The following HAVCR1 variants were observed in gnomAD, a reference collection of about 807,000 sequenced individuals.
The protein encoded by HAVCR1 is hepatitis A virus cellular receptor 1.
In HAVCR1, 34 loss-of-function variants were observed where a neutral mutation model predicts 32.0. That is an observed-to-expected ratio of 1.06 (90% CI 0.81 to 1.42). The LOEUF (loss-of-function observed/expected upper bound fraction) is 1.42, where lower values mean the gene tolerates loss of function less well. HAVCR1 is among the 40% of genes most tolerant of loss of function. HAVCR1 has a pLI of 0.00. For missense variants in HAVCR1, 420 were observed against 442.3 expected (o/e 0.95, Z 0.45); for synonymous variants, 178 against 170.3 (o/e 1.05, Z -0.35).
At chr5:157,046,079 C>T (rs867953706) in intron 5 of HAVCR1, among the ~76,000 whole-genome samples, 4 of 152,154 alleles carry the variant, frequency 2.6e-5, no homozygotes, top group Non-Finnish European at 2.9e-5. Flanking sequence ...AACGAAATGT[C>T]GCCATTATCT....
chr5:157,062,230 G>A (rs758165208), upstream of HAVCR1, among the ~76,000 whole-genome samples: 2 of 151,986 alleles, frequency 1.3e-5, no homozygotes, highest in African/African-American at 4.8e-5. Context: ...AACATGGGCC[G>A]GGCACGGTGG....
chr5:157,054,486 C>T (rs570936400), intron 3 of HAVCR1, among the ~76,000 whole-genome samples: 2 of 152,050 alleles, frequency 1.3e-5, no homozygotes, highest in African/African-American at 4.8e-5. Context: ...GCCTGGGCAA[C>T]AGCGAGACTC....
intron 5 of HAVCR1, among the ~76,000 whole-genome samples, 178 bp from the exon 6 acceptor site, chr5:157,042,860 A>C (rs1244166270): frequency 6.6e-6 from 1 of 152,216 alleles, no homozygotes; most frequent in Non-Finnish European, 1.5e-5. Context: ...TTTCTCCTGT[A>C]AAGTTGTATT....
In HAVCR1 at chr5:157,055,411, A is replaced by T; in HGVS notation, c.169T>A (p.Cys57Ser). The change falls in exon 3 of 9, where the codon TGC becomes AGC. Residue 57 changes from cysteine (C) to serine (S), a missense_variant. Coordinates refer to ENST00000523175, the MANE Select transcript of HAVCR1 (RefSeq NM_001173393.3). Reference sequence around the variant, plus strand: ...TTGGTCCAGACAATGCCATTTTGGCATGTGAATAGAGAACATGAGCCTCTA... The same window carrying T: ...TTGGTCCAGACAATGCCATTTTGGCTTGTGAATAGAGAACATGAGCCTCTA... Reference protein sequence around the residue: ...WNRGSCSLFTCQNGIVWTNGT... With the variant: ...WNRGSCSLFTSQNGIVWTNGT... 6.2e-7 allele frequency: 1 copy of T among 1,613,230 alleles called. No individual in the cohort carries two copies. The highest frequency in any genetic ancestry group is 1.1e-5 in the South Asian group (1 of 91,070).
Position 157,037,356 on chromosome 5 carries a change from C to T in HAVCR1, c.843G>A (p.Leu281=), listed in dbSNP as rs948631462. 15 of 1,409,386 alleles carry T rather than the reference C, an allele frequency of 1.1e-5. No homozygotes were observed. Among genetic ancestry groups the T allele is most frequent in the African/African-American group, 1.4e-5 (1 of 70,778 alleles). 87.3% of individuals were successfully genotyped at this position (1,409,386 alleles called of 1,614,324 possible). ...DGLWNNNQTQ[L]FLEHSLLTAN... is the part of the protein sequence containing the mutation. ...CCGTCAGTAGACTATGTTCTAGGAA[C>T]AGTTGCTGAGGAAACAACAACAGAT... Residue 281 remains leucine (L), a synonymous_variant, in exon 7 of 9, where the codon CTG becomes CTA. Transcript: ENST00000523175.
In HAVCR1 at chr5:157,029,665, T is replaced by C. The variant is rs1754048446; in HGVS notation, c.*68A>G. ...ATTGTCTTGGGGTCTAAAAGACGTCTGATGTGCTGATGTCTGTTCAGTCTT... is the reference window on the plus strand; with the variant it reads ...ATTGTCTTGGGGTCTAAAAGACGTCCGATGTGCTGATGTCTGTTCAGTCTT... On this transcript the variant is annotated 3_prime_UTR_variant, in exon 9 of 9. Transcript: ENST00000523175. 1 of 1,605,138 alleles carries C rather than the reference T, an allele frequency of 6.2e-7. No homozygotes were observed. The highest frequency in any genetic ancestry group is 1.3e-5 in the African/African-American group (1 of 74,952).
At chr5:157,062,696 C>G (rs1418377009), upstream of HAVCR1, among the ~76,000 whole-genome samples, 1 of 152,164 alleles carries the variant, frequency 6.6e-6, no homozygotes, top group Non-Finnish European at 1.5e-5. Context: ...CTGCCCTGCC[C>G]ACTGCCCTAA....
intron 4 of HAVCR1, among the ~76,000 whole-genome samples, chr5:157,051,044 C>T (rs934414793): frequency 6.6e-6 from 1 of 152,198 alleles, no homozygotes; most frequent in African/African-American, 2.4e-5. Flanking sequence ...TAAAAGTTAT[C>T]TTTTAAATCC....
In HAVCR1 at chr5:157,029,501, G is replaced by C. The variant is rs1754037368; in HGVS notation, c.*232C>G. The C allele has an allele frequency of 1.0e-6, 1 of 968,026 alleles. No homozygotes were observed. The highest frequency in any genetic ancestry group is 1.6e-6 in the Non-Finnish European group (1 of 643,168). The allele number at this position is 968,026 out of a possible 1,614,324, so 60.0% of individuals were successfully genotyped here. A position where few individuals can be genotyped will look rare whatever the true frequency, so the allele number is the denominator to read the frequency against. On this transcript the variant is annotated 3_prime_UTR_variant, in exon 9 of 9. Coordinates refer to ENST00000523175, the MANE Select transcript of HAVCR1 (RefSeq NM_001173393.3). Reference sequence around the variant, plus strand: ...ATTTGAGAGAAAACTGCAATGATCAGAAGGATTGAGCCAGTTTTAGCATAA... The same window carrying C: ...ATTTGAGAGAAAACTGCAATGATCACAAGGATTGAGCCAGTTTTAGCATAA...
At position 157,032,893 on chromosome 5, in the gene HAVCR1, T is replaced by C. The variant is rs369560465; in HGVS notation, c.953-6A>G. 32 of 1,562,486 alleles carry C rather than the reference T, an allele frequency of 2.0e-5. No individual in the cohort carries two copies. In the African/African-American group the frequency reaches 2.9e-4, roughly 14 times the overall value. ...CTCCTTTTTGAAGAAATACTCTAAA[T>C]TGAAGGGGTGGGGAGAGAGGAGTTG... On this transcript the variant is annotated splice_region_variant and splice_polypyrimidine_tract_variant and intron_variant, in intron 7 of 8. Transcript: ENST00000523175.
At chr5:157,034,724 A>T (rs1180726018) in intron 7 of HAVCR1, among the ~76,000 whole-genome samples, 1 of 151,964 alleles carries the variant, frequency 6.6e-6, no homozygotes, top group African/African-American at 2.4e-5. Flanking sequence ...GGTACTCGAG[A>T]CTGGAGAATG....
In HAVCR1 at chr5:157,029,602, T is replaced by G. The variant is rs760055918; in HGVS notation, c.*131A>C. Reference sequence around the variant, plus strand: ...AGAGAGTTACTCTACCCAGTATCACTGACATGTTGGAATGCCAGATGAAAC... The same window carrying G: ...AGAGAGTTACTCTACCCAGTATCACGGACATGTTGGAATGCCAGATGAAAC... On this transcript the variant is annotated 3_prime_UTR_variant, in exon 9 of 9. Coordinates refer to ENST00000523175, the MANE Select transcript of HAVCR1 (RefSeq NM_001173393.3). 41 of 1,541,756 alleles carry G rather than the reference T, an allele frequency of 2.7e-5. No homozygotes were observed. Among genetic ancestry groups the G allele is most frequent in the Non-Finnish European group, 3.4e-5 (39 of 1,147,638 alleles).
Position 157,057,968 on chromosome 5 carries a change from G to T in HAVCR1, c.-12-13C>A, listed in dbSNP as rs1290565606. 6.2e-7 allele frequency: 1 copy of T among 1,600,304 alleles called. No individual in the cohort carries two copies. The highest frequency in any genetic ancestry group is 8.6e-7 in the Non-Finnish European group (1 of 1,167,486). ...TTATGGGATCAGCCTGAAGGAAAATGAGCAGACAGGCTGGTTGGTACCCTC... is the reference window on the plus strand; with the variant it reads ...TTATGGGATCAGCCTGAAGGAAAATTAGCAGACAGGCTGGTTGGTACCCTC... On this transcript the variant is annotated splice_polypyrimidine_tract_variant and intron_variant, in intron 1 of 8. Coordinates refer to ENST00000523175, the MANE Select transcript of HAVCR1 (RefSeq NM_001173393.3).
chr5:157,050,594 T>C (rs375629481), intron 4 of HAVCR1, among the ~76,000 whole-genome samples: 1 of 152,280 alleles, frequency 6.6e-6, no homozygotes, highest in Admixed American at 6.5e-5. Context: ...ATAAACCAAC[T>C]CTTAGGAGAA....
chr5:157,056,256 G>GT (rs1756134924), intron 2 of HAVCR1, among the ~76,000 whole-genome samples: 1 of 151,194 alleles, frequency 6.6e-6, no homozygotes, highest in South Asian at 2.1e-4. Flanking sequence ...TAGCTGGAAG[G>GT]TTTTTCCCCT....
At chr5:157,035,522 C>T (rs543855657) in intron 7 of HAVCR1, among the ~76,000 whole-genome samples, 5 of 152,242 alleles carry the variant, frequency 3.3e-5, no homozygotes, top group African/African-American at 1.2e-4. Context: ...TTTTGTTTTA[C>T]TTTTTTAGTC....
intron 6 of HAVCR1, among the ~76,000 whole-genome samples, chr5:157,038,548 T>C (rs910103751): frequency 2.0e-5 from 3 of 152,202 alleles, no homozygotes; most frequent in Admixed American, 6.5e-5. Flanking sequence ...GTAGATTCAA[T>C]AGGGTTCTTT....
chr5:157,055,867 C>A (rs1347433427), intron 2 of HAVCR1, among the ~76,000 whole-genome samples: 1 of 140,960 alleles, frequency 7.1e-6, no homozygotes, highest in South Asian at 2.3e-4. Flanking sequence ...CTGTCTCCCC[C>A]TCCCCCAAAA....
At chr5:157,036,726 A>C (rs1394095897) in intron 7 of HAVCR1, among the ~76,000 whole-genome samples, 1 of 151,982 alleles carries the variant, frequency 6.6e-6, no homozygotes, top group Non-Finnish European at 1.5e-5. Context: ...TTTTAGAGAC[A>C]ATGTCTCACT....
Sources: gnomAD v4.1 joint callset for allele counts (sites outside exome capture counted in the v4.1 genomes callset) on GRCh38, gnomAD v4.1.1 for gene constraint, MANE v1.5 for transcripts, NCBI Gene and HGNC (gene_info 2026-07-23, HGNC 2026-07-21) for gene names.